Variants in PRG4 observed in about 807,000 individuals in gnomAD.
PRG4 encodes the protein proteoglycan 4.
In PRG4, 61 loss-of-function variants were observed where a neutral mutation model predicts 91.2. The ratio of observed to expected loss-of-function variants is 0.67; its 90% CI spans 0.54 to 0.83. PRG4 has a LOEUF of 0.83. Ranked by LOEUF, PRG4 falls within the 40% of genes least tolerant of loss-of-function variation. The pLI, the probability that PRG4 is intolerant of heterozygous loss-of-function variation, is 0.00. For synonymous variants in PRG4, 576 were observed against 614.2 expected, an observed-to-expected ratio of 0.94 and a Z score of 0.92; for missense variants, 1,564 against 1,714.2, an observed-to-expected ratio of 0.91 and a Z score of 1.55.
chr1:186,306,222 AAC>A (rs1656544018), intron 6 of PRG4, 94 bp from the exon 7 acceptor site: 1 of 1,041,632 alleles, frequency 9.6e-7, no homozygotes. Flanking sequence ...TTTGCTTAGA[AAC>A]ACACAACTAG....
At chr1:186,311,261 G>A (rs1413848129) in intron 9 of PRG4, 91 bp downstream of exon 9, 19 of 1,453,508 alleles carry the variant, frequency 1.3e-5, no homozygotes, top group Non-Finnish European at 1.8e-5. Context: ...TCCAATATGT[G>A]TCCTTTTAAA....
At position 186,313,862 on chromosome 1, in the gene PRG4, T is replaced by C. The variant is rs184221402; in HGVS notation, c.*84T>C. Reference sequence around the variant, plus strand: ...AAAAACATTTTATTAATAAAGAATATTGACATGAGTATACCAGTTTATATA... The same window carrying C: ...AAAAACATTTTATTAATAAAGAATACTGACATGAGTATACCAGTTTATATA... On this transcript the variant is annotated 3_prime_UTR_variant, in exon 13 of 13. Coordinates refer to ENST00000445192, the MANE Select transcript of PRG4 (RefSeq NM_005807.6). 4.4e-4 allele frequency: 652 copies of C among 1,467,318 alleles called. 16 individuals carry two copies. The Admixed American group carries it at 9.6e-3, about 22-fold the overall frequency. 90.9% of individuals were successfully genotyped at this position (1,467,318 alleles called of 1,614,324 possible).
At position 186,311,596 on chromosome 1, in the gene PRG4, G is replaced by A. The variant is rs568855633; in HGVS notation, c.3793G>A (p.Gly1265Ser). The change falls in exon 10 of 13, where the codon GGT becomes AGT. Residue 1265 changes from glycine to serine, a missense_variant and splice_region_variant. Gly to Ser is a moderately conservative substitution (Grantham distance 56, BLOSUM62 0). Coordinates refer to ENST00000445192, the MANE Select transcript of PRG4 (RefSeq NM_005807.6). ...WPESVYFFKR[G>S]GSIQQYIYKQ... Reference sequence around the variant, plus strand: ...TGAATCTGTGTATTTTTTCAAGAGAGGTATGTGTTACATAATTGACAAGAT... The same window carrying A: ...TGAATCTGTGTATTTTTTCAAGAGAAGTATGTGTTACATAATTGACAAGAT... The A allele has an allele frequency of 6.2e-7, 1 of 1,613,062 alleles. No homozygotes were observed. The highest frequency in any genetic ancestry group is 1.1e-5 in the South Asian group (1 of 91,018).
At chr1:186,305,273 A>T (rs1656484119) in intron 6 of PRG4, among the ~76,000 whole-genome samples, 1 of 152,114 alleles carries the variant, frequency 6.6e-6, no homozygotes, top group Non-Finnish European at 1.5e-5. Flanking sequence ...TCCCTTCCCC[A>T]GCTTTATTTT....
At chr1:186,298,383 AAAAT>A (rs552206755) in intron 2 of PRG4, among the ~76,000 whole-genome samples, 1 of 152,166 alleles carries the variant, frequency 6.6e-6, no homozygotes, top group Non-Finnish European at 1.5e-5. Context: ...CTCTGTCTCA[AAAAT>A]AAATAAATAA....
chr1:186,308,949 C>T lies in PRG4; in HGVS notation c.3230C>T (p.Thr1077Ile), dbSNP rs748972351. The T allele has an allele frequency of 2.5e-6, 4 of 1,608,714 alleles. No homozygotes were observed. Among genetic ancestry groups the T allele is most frequent in the Non-Finnish European group, 3.4e-6 (4 of 1,177,632 alleles). The change falls in exon 7 of 13, where the codon ACC becomes ATC. Residue 1077 changes from threonine to isoleucine, a missense_variant. Transcript: ENST00000445192. Reference sequence around the variant, plus strand: ...GCAGAAGCCATGCTCCAAACCACCACCAGACCTAACCAAACTCCAAACTCC... The same window carrying T: ...GCAGAAGCCATGCTCCAAACCACCATCAGACCTAACCAAACTCCAAACTCC... Reference protein sequence around the residue: ...RIAEAMLQTTTRPNQTPNSKL... With the variant: ...RIAEAMLQTTIRPNQTPNSKL...
At chr1:186,310,343 G>C (rs1657100772) in intron 8 of PRG4, among the ~76,000 whole-genome samples, 1 of 152,132 alleles carries the variant, frequency 6.6e-6, no homozygotes, top group South Asian at 2.1e-4. Context: ...GTCCAGTCTT[G>C]AAACATATTT....
Position 186,307,022 on chromosome 1 carries a change from C to G in PRG4, c.1303C>G (p.Pro435Ala). ...GTCTGCACCCACCACTCCCAAGGAG[C>G]CTGCACCCACCACCCCCAAGAAGCC... ...TKSAPTTPKE[P>A]APTTPKKPAP... Residue 435 changes from proline to alanine, a missense_variant, in exon 7 of 13, where the codon CCT (proline) becomes GCT (alanine). Pro to Ala is a conservative substitution (Grantham distance 27, BLOSUM62 -1). Transcript: ENST00000445192. The G allele has an allele frequency of 2.6e-6, 4 of 1,552,892 alleles. No homozygotes were observed. Among genetic ancestry groups the G allele is most frequent in the Non-Finnish European group, 3.5e-6 (4 of 1,148,890 alleles).
Position 186,312,239 on chromosome 1 carries a change from T to C in PRG4, c.3858T>C (p.Pro1286=). ...EPVQKCPGRR[P]ALNYPVYGET... ...TACAGAAGTGCCCTGGAAGAAGGCCTGCTCTAAATTATCCAGTGTATGGAG... is the reference window on the plus strand; with the variant it reads ...TACAGAAGTGCCCTGGAAGAAGGCCCGCTCTAAATTATCCAGTGTATGGAG... The change falls in exon 11 of 13, where the codon CCT becomes CCC. Residue 1286 remains proline, a synonymous_variant. Coordinates refer to ENST00000445192, the MANE Select transcript of PRG4 (RefSeq NM_005807.6). The C allele has an allele frequency of 1.2e-6, 2 of 1,614,116 alleles. No homozygotes were observed. Among genetic ancestry groups the C allele is most frequent in the South Asian group, 1.1e-5 (1 of 91,080 alleles).
At chr1:186,302,488 T>C (rs1656290094) in intron 4 of PRG4, among the ~76,000 whole-genome samples, 1 of 152,258 alleles carries the variant, frequency 6.6e-6, no homozygotes. Context: ...AGAATATTTG[T>C]GGAGGTAAAA....
rs879196581 is a variant in PRG4, at chr1:186,308,230, T to C, written c.2511T>C (p.Thr837=). Residue 837 remains threonine, a synonymous_variant, in exon 7 of 13, where the codon ACT becomes ACC. Coordinates refer to ENST00000445192, the MANE Select transcript of PRG4 (RefSeq NM_005807.6). ...APTTPKEPAP[T]TPKKPAPTTP... ...CTACCCCCAAGGAGCCTGCACCCAC[T>C]ACCCCCAAGAAGCCTGCTCCAACTA... is the stretch of plus-strand genomic sequence containing the variant. 2 of 1,613,298 alleles carry C rather than the reference T, an allele frequency of 1.2e-6. No homozygotes were observed. The highest frequency in any genetic ancestry group is 1.1e-5 in the South Asian group (1 of 91,032).
chr1:186,304,678 G>C (rs1656431921), intron 5 of PRG4, 116 bp from the exon 6 acceptor site: 1 of 1,362,810 alleles, frequency 7.3e-7, no homozygotes, highest in Non-Finnish European at 1.0e-6. Context: ...ACTAATAAAA[G>C]CAAAATCCAG....
At chr1:186,301,538 G>T in intron 3 of PRG4, 54 bp from the exon 4 acceptor site, 1 of 1,611,068 alleles carries the variant, frequency 6.2e-7, no homozygotes, top group Non-Finnish European at 8.5e-7. Context: ...TGTCAAATAC[G>T]TGGGCCTGGC....
chr1:186,309,587 T>G (rs1318150665), intron 7 of PRG4, among the ~76,000 whole-genome samples: 1 of 152,204 alleles, frequency 6.6e-6, no homozygotes, highest in Non-Finnish European at 1.5e-5. Flanking sequence ...TCATAATAAT[T>G]TATTTCATAT....
chr1:186,299,995 A>G, intron 2 of PRG4, 96 bp from the exon 3 acceptor site: 1 of 1,446,054 alleles, frequency 6.9e-7, no homozygotes, highest in Non-Finnish European at 9.7e-7. Context: ...GATCAATAAA[A>G]TTCTCTCTCA....
intron 12 of PRG4, chr1:186,313,188 T>A (rs1657414905): frequency 2.3e-6 from 1 of 439,428 alleles, no homozygotes; most frequent in African/African-American, 2.0e-5. Context: ...ATTTAACAGA[T>A]ACCTTGTTTG....
chr1:186,301,554 A>G lies in PRG4; in HGVS notation c.200-38A>G, dbSNP rs371998874. On this transcript the variant is annotated intron_variant, in intron 3 of 12. Transcript: ENST00000445192. ...GTCAAATACGTGGGCCTGGCTTCAC[A>G]ATGAATAATCTGTAACTTCTTGTTT... 1.2e-5 allele frequency: 19 copies of G among 1,612,918 alleles called. No homozygotes were observed. The African/African-American group carries it at 1.7e-4, about 15-fold the overall frequency.
At chr1:186,301,986 T>C (rs145414620) in intron 4 of PRG4, among the ~76,000 whole-genome samples, 16 of 152,284 alleles carry the variant, frequency 1.1e-4, no homozygotes, top group Admixed American at 5.2e-4. Context: ...GTCTTTTTTT[T>C]CTTCAGATAT....
chr1:186,300,018 G>T (rs1656095924), intron 2 of PRG4, 73 bp from the exon 3 acceptor site: 1 of 1,561,068 alleles, frequency 6.4e-7, no homozygotes, highest in South Asian at 1.1e-5. Context: ...AAGTGGCTTT[G>T]TCCCCCTCGT....
Sources: allele counts gnomAD v4.1 joint callset (sites outside exome capture counted in the v4.1 genomes callset), GRCh38; gene constraint gnomAD v4.1.1; transcripts MANE v1.5; gene names NCBI Gene and HGNC (gene_info 2026-07-23, HGNC 2026-07-21).